The following MXD3 variants were observed in gnomAD, a reference collection of about 807,000 sequenced individuals.
MXD3 encodes the protein Max-associated protein 3.
Under a neutral mutation model 27.5 loss-of-function variants are expected in MXD3, and 20 were observed. The observed-to-expected ratio is 0.73, with a 90% CI of 0.51 to 1.06. MXD3 has a LOEUF of 1.06. Among genes scored for constraint, MXD3 ranks in the 50% least tolerant of loss-of-function variants. The pLI, the probability that MXD3 is intolerant of heterozygous loss-of-function variation, is 0.00. For missense variants in MXD3, 298 were observed against 291.3 expected, an observed-to-expected ratio of 1.02 and a Z score of -0.17; for synonymous variants, 150 against 130.7, an observed-to-expected ratio of 1.15 and a Z score of -1.01.
At position 177,310,659 on chromosome 5, in the gene MXD3, G is replaced by A. The variant is rs1328959048; in HGVS notation, c.206+9C>T. 1 of 1,614,064 alleles carries A rather than the reference G, an allele frequency of 6.2e-7. No homozygotes were observed. Among genetic ancestry groups the A allele is most frequent in the Non-Finnish European group, 8.5e-7 (1 of 1,180,018 alleles). On this transcript the variant is annotated intron_variant, in intron 3 of 5. Coordinates refer to ENST00000439742, the MANE Select transcript of MXD3 (RefSeq NM_031300.4). ...GGGCTGGCGCTGTCAGGGCAGGACTGGGACTCACCTGCGCTTCTCCAGTTC... is the reference window on the plus strand; with the variant it reads ...GGGCTGGCGCTGTCAGGGCAGGACTAGGACTCACCTGCGCTTCTCCAGTTC...
chr5:177,311,406 T>TG lies in MXD3; in HGVS notation c.148dup (p.Gln50ProfsTer15), dbSNP rs866699857. 1.5e-5 allele frequency: 21 copies of TG among 1,411,714 alleles called. No homozygotes were observed. Among genetic ancestry groups the TG allele is most frequent in the South Asian group, 9.2e-5 (6 of 65,004 alleles). 87.4% of individuals were successfully genotyped at this position (1,411,714 alleles called of 1,614,324 possible). On this transcript the variant is annotated frameshift_variant, in exon 2 of 6. Transcript: ENST00000439742. LOFTEE classifies it high-confidence loss of function. ...CCCGCTGTCCTGCGCGCCAGGAGCCTGGGGGGGTCGCTTCTTCCTCCTGTG... is the reference window on the plus strand; with the variant it reads ...CCCGCTGTCCTGCGCGCCAGGAGCCTGGGGGGGGTCGCTTCTTCCTCCTGTG...
Position 177,307,467 on chromosome 5 carries a change from G to A in MXD3, c.*121C>T, listed in dbSNP as rs1195168856. The A allele has an allele frequency of 6.5e-7, 1 of 1,533,838 alleles. No individual in the cohort carries two copies. Among genetic ancestry groups the A allele is most frequent in the Non-Finnish European group, 8.8e-7 (1 of 1,140,522 alleles). On this transcript the variant is annotated 3_prime_UTR_variant, in exon 6 of 6. Transcript: ENST00000439742. ...TGGGGAGCACCTGTTCCCACACAAG[G>A]GTCCTTTTAGTCCATTCCAACAGGT...
downstream of MXD3, chr5:177,307,138 T>C (rs545717925): frequency 2.1e-5 from 32 of 1,534,592 alleles, no homozygotes; most frequent in South Asian, 2.3e-4. Flanking sequence ...GGAACTGATA[T>C]TATTTCCTCT....
At chr5:177,309,665 G>A (rs955842673) in intron 4 of MXD3, among the ~76,000 whole-genome samples, 1 of 152,252 alleles carries the variant, frequency 6.6e-6, no homozygotes, top group African/African-American at 2.4e-5. Context: ...GTAAACACTT[G>A]TCAGAGGAGA....
chr5:177,308,112 C>T, intron 4 of MXD3, 148 bp from the exon 5 acceptor site: 5 of 704,312 alleles, frequency 7.1e-6, no homozygotes, highest in South Asian at 2.1e-5. Context: ...GAGGGTTGCA[C>T]CCACATCCTC....
At chr5:177,305,917 G>C, downstream of MXD3, 4 of 1,614,178 alleles carry the variant, frequency 2.5e-6, no homozygotes, top group Non-Finnish European at 3.4e-6. Flanking sequence ...GACAACAGTG[G>C]CTGGACTGAA....
At chr5:177,310,582 G>A (rs1761011807) in intron 3 of MXD3, 42 bp from the exon 4 acceptor site, 31 of 1,611,940 alleles carry the variant, frequency 1.9e-5, no homozygotes, top group Non-Finnish European at 2.5e-5. Flanking sequence ...GCCCCACCTT[G>A]CCGGCCACAG....
At chr5:177,312,348 G>C, upstream of MXD3, 1 of 985,918 alleles carries the variant, frequency 1.0e-6, no homozygotes, top group Non-Finnish European at 1.2e-6. Flanking sequence ...AAGGATCGCT[G>C]TTGTCATCCT....
In MXD3 at chr5:177,310,664, T is replaced by A. The variant is rs748232086; in HGVS notation, c.206+4A>T. ...GGCGCTGTCAGGGCAGGACTGGGAC[T>A]CACCTGCGCTTCTCCAGTTCATTGT... On this transcript the variant is annotated splice_donor_region_variant and intron_variant, in intron 3 of 5. Transcript: ENST00000439742. 5.6e-6 allele frequency: 9 copies of A among 1,614,068 alleles called. No homozygotes were observed. In the African/African-American group the frequency reaches 1.2e-4, roughly 22 times the overall value.
At chr5:177,311,508 C>T (rs1001208636) in intron 1 of MXD3, 24 bp from the exon 2 acceptor site, 1 of 1,414,510 alleles carries the variant, frequency 7.1e-7, no homozygotes, top group South Asian at 1.6e-5. Context: ...TCCCCGCCCG[C>T]GTCAGGCTGG....
At chr5:177,305,512 T>G, downstream of MXD3, 1 of 267,560 alleles carries the variant, frequency 3.7e-6, no homozygotes, top group Non-Finnish European at 7.3e-6. Flanking sequence ...GGGCAAATGT[T>G]TTTATTTGGA....
upstream of MXD3, chr5:177,312,544 C>A: frequency 1.0e-6 from 1 of 985,442 alleles, no homozygotes; most frequent in Non-Finnish European, 1.2e-6. Context: ...GGGCGGCGGA[C>A]CCGGCTCCTG....
upstream of MXD3, chr5:177,312,438 C>A: frequency 1.0e-6 from 1 of 985,562 alleles, no homozygotes; most frequent in Non-Finnish European, 1.2e-6. Context: ...TCCACACGTT[C>A]GGGCGGGAAA....
At chr5:177,307,088 T>G, downstream of MXD3, 2 of 1,472,782 alleles carry the variant, frequency 1.4e-6, no homozygotes, top group South Asian at 1.4e-5. Context: ...GTTGTGAGAA[T>G]TAAGTGCACT....
chr5:177,307,689 C>G lies in MXD3; in HGVS notation c.520G>C (p.Asp174His). ...SDSDQEELEV[D>H]VESLVFGGEA... is the part of the protein sequence containing the mutation. ...CCCCCAAACACCAGGCTCTCCACAT[C>G]CACCTCCAGCTCCTCTGCGCGGGGA... Residue 174 changes from aspartate (D) to histidine (H), a missense_variant, in exon 6 of 6, where the codon GAT (aspartate) becomes CAT (histidine). Physicochemically the swap from Asp to His is moderately conservative, Grantham distance 81. Coordinates refer to ENST00000439742, the MANE Select transcript of MXD3 (RefSeq NM_031300.4). The G allele has an allele frequency of 6.2e-7, 1 of 1,613,786 alleles. No homozygotes were observed. Among genetic ancestry groups the G allele is most frequent in the Non-Finnish European group, 8.5e-7 (1 of 1,179,938 alleles).
chr5:177,311,309 G>T, intron 2 of MXD3, 70 bp downstream of exon 2: 2 of 1,060,658 alleles, frequency 1.9e-6, no homozygotes, highest in Non-Finnish European at 2.6e-6. Flanking sequence ...GCAACAAGTG[G>T]GCAGAGGAGG....
chr5:177,310,808 C>G, intron 2 of MXD3, 111 bp from the exon 3 acceptor site: 1 of 1,280,320 alleles, frequency 7.8e-7, no homozygotes, highest in South Asian at 1.3e-5. Context: ...CCAAACAAGT[C>G]CCCTGTGGAG....
downstream of MXD3, chr5:177,306,490 C>T: frequency 6.2e-7 from 1 of 1,613,908 alleles, no homozygotes; most frequent in Non-Finnish European, 8.5e-7. Flanking sequence ...GGAGACGGCA[C>T]TGGCAGCTAC....
intron 4 of MXD3, among the ~76,000 whole-genome samples, chr5:177,309,306 T>C (rs969913981): frequency 3.3e-5 from 5 of 152,150 alleles, no homozygotes; most frequent in Non-Finnish European, 5.9e-5. Flanking sequence ...GAAGACAGCC[T>C]GGTGGAGGCA....
Sources: allele counts gnomAD v4.1 joint callset (sites outside exome capture counted in the v4.1 genomes callset), GRCh38; gene constraint gnomAD v4.1.1; transcripts MANE v1.5; gene names NCBI Gene and HGNC (gene_info 2026-07-23, HGNC 2026-07-21).